The following MAP6 variants were observed in gnomAD, a reference collection of about 807,000 sequenced individuals.
The protein encoded by MAP6 is microtubule-associated protein 6.
MAP6 carries 26 observed loss-of-function variants against 42.4 expected under a neutral mutation model. The ratio of observed to expected loss-of-function variants is 0.61; its 90% CI spans 0.45 to 0.85. The LOEUF (loss-of-function observed/expected upper bound fraction) is 0.85. MAP6 is among the 40% of genes least tolerant of loss of function. The probability of loss-of-function intolerance (pLI) is 0.00; values close to 1 mark genes in which losing one functional copy is unlikely to be tolerated. For missense variants in MAP6, 966 were observed against 1,099.0 expected, an observed-to-expected ratio of 0.88 and a Z score of 1.71; for synonymous variants, 418 against 443.8, an observed-to-expected ratio of 0.94 and a Z score of 0.73.
intron 3 of MAP6, chr11:75,604,753 T>C: frequency 2.0e-6 from 2 of 985,416 alleles, no homozygotes; most frequent in Non-Finnish European, 2.4e-6. Flanking sequence ...TCAAAGCTGC[T>C]TGCTAATTAG....
Position 75,667,932 on chromosome 11 carries a change from G to A in MAP6, c.438C>T (p.Ser146=). ...SCRPRSEYQP[S]DAPFERETQY... The stretch of plus-strand genomic sequence containing the variant: ...GGGTCTCGCGCTCGAAGGGAGCGTC[G>A]GAGGGCTGGTATTCGCTGCGCGGCC... Residue 146 remains serine, a synonymous_variant, in exon 1 of 4, where the codon TCC becomes TCT. Transcript: ENST00000304771. This position sits in a 1 kb window ranked among gnomAD's most constrained non-coding sequence, Gnocchi z 5.6. 1 of 1,384,790 alleles carries A rather than the reference G, an allele frequency of 7.2e-7. No individual in the cohort carries two copies. Among genetic ancestry groups the A allele is most frequent in the South Asian group, 1.6e-5 (1 of 61,430 alleles). The allele number at this position is 1,384,790 out of a possible 1,614,324, so 85.8% of individuals were successfully genotyped here. A position where few individuals can be genotyped will look rare whatever the true frequency, so the allele number is the denominator to read the frequency against.
chr11:75,605,913 G>A lies in MAP6; in HGVS notation c.1211C>T (p.Ser404Leu), dbSNP rs1333723939. 6.2e-7 allele frequency: 1 copy of A among 1,614,150 alleles called. No homozygotes were observed. Among genetic ancestry groups the A allele is most frequent in the South Asian group, 1.1e-5 (1 of 91,072 alleles). The change falls in exon 3 of 4, where the codon TCA (serine) becomes TTA (leucine). Residue 404 changes from serine to leucine, a missense_variant. Ser to Leu is a moderately radical substitution (Grantham distance 145). Coordinates refer to ENST00000304771, the MANE Select transcript of MAP6 (RefSeq NM_033063.2). ...GCTCTTTTTCTTGGCAGCCTGGCCT[G>A]ACACCGCCTGCTTGTCTTTGGCCTT... is the stretch of plus-strand genomic sequence containing the variant. ...TRKAKDKQAV[S>L]GQAAKKKSAE...
chr11:75,587,517 C>A lies in MAP6; in HGVS notation c.1984G>T (p.Gly662Cys). The change falls in exon 4 of 4, where the codon GGT (glycine) becomes TGT (cysteine). Residue 662 changes from glycine to cysteine, a missense_variant. By Grantham distance (159) the Gly-to-Cys change is radical. Coordinates refer to ENST00000304771, the MANE Select transcript of MAP6 (RefSeq NM_033063.2). ...AMATAPIKNQGSMVSEPVKNQ... is the reference protein window; with the variant it reads ...AMATAPIKNQCSMVSEPVKNQ... Reference sequence around the variant, plus strand: ...TTTACAGGCTCAGAGACCATGGAACCTTGATTCTTTATGGGTGCTGTGGCC... The same window carrying A: ...TTTACAGGCTCAGAGACCATGGAACATTGATTCTTTATGGGTGCTGTGGCC... 1 of 1,614,198 alleles carries A rather than the reference C, an allele frequency of 6.2e-7. No homozygotes were observed. Among genetic ancestry groups the A allele is most frequent in the Non-Finnish European group, 8.5e-7 (1 of 1,180,038 alleles).
At chr11:75,635,376 G>A (rs1257654517) in intron 1 of MAP6, among the ~76,000 whole-genome samples, 1 of 152,188 alleles carries the variant, frequency 6.6e-6, no homozygotes, top group Non-Finnish European at 1.5e-5. Flanking sequence ...AAGAGAAAAC[G>A]AGTGGCATCT....
intron 3 of MAP6, among the ~76,000 whole-genome samples, chr11:75,602,449 A>T (rs1942679028): frequency 6.6e-6 from 1 of 152,204 alleles, no homozygotes; most frequent in Non-Finnish European, 1.5e-5. Flanking sequence ...CAGTGACCAT[A>T]GATTAACTGA....
At chr11:75,600,311 C>T (rs973385595) in intron 3 of MAP6, among the ~76,000 whole-genome samples, 1 of 152,202 alleles carries the variant, frequency 6.6e-6, no homozygotes, top group East Asian at 1.9e-4. Flanking sequence ...CGTTGCACGG[C>T]AGCACTGGTT....
chr11:75,654,769 C>T (rs1211323321), intron 1 of MAP6, among the ~76,000 whole-genome samples: 1 of 152,170 alleles, frequency 6.6e-6, no homozygotes, highest in Non-Finnish European at 1.5e-5. Flanking sequence ...TTCATCATGA[C>T]TCTGTGAAGT....
intron 1 of MAP6, among the ~76,000 whole-genome samples, chr11:75,623,507 G>A (rs1943145444): frequency 6.6e-6 from 1 of 152,148 alleles, no homozygotes; most frequent in Non-Finnish European, 1.5e-5. Context: ...TTGCAAGGAG[G>A]TGATCCCTGC....
At chr11:75,636,908 C>T (rs1199239284) in intron 1 of MAP6, among the ~76,000 whole-genome samples, 1 of 152,214 alleles carries the variant, frequency 6.6e-6, no homozygotes, top group Non-Finnish European at 1.5e-5. Context: ...CACAATATTC[C>T]TTCTGGGAGC....
intron 3 of MAP6, chr11:75,597,211 T>C (rs1942595085): frequency 6.6e-6 from 1 of 152,242 alleles, no homozygotes; most frequent in Non-Finnish European, 1.5e-5. Context: ...CGAATCAAGA[T>C]CTGGGGCCAG....
In MAP6 at chr11:75,667,251, G is replaced by A. The variant is rs1206571156; in HGVS notation, c.905+214C>T. Among the ~76,000 whole-genome samples, 1 of 152,212 alleles carries A rather than the reference G, an allele frequency of 6.6e-6. No individual in the cohort carries two copies. Among genetic ancestry groups the A allele is most frequent in the African/African-American group, 2.4e-5 (1 of 41,452 alleles). On this transcript the variant is annotated intron_variant, in intron 1 of 3. Transcript: ENST00000304771. The surrounding 1 kb of genome is among the most constrained non-coding windows in gnomAD (Gnocchi z 5.6). ...GCGGTAAAGTGAAAGAGCCAGGCAG[G>A]CTGAGATGGAATATACTAACAGCTT...
intron 1 of MAP6, among the ~76,000 whole-genome samples, chr11:75,610,489 A>G (rs1425661161): frequency 6.6e-6 from 1 of 152,218 alleles, no homozygotes; most frequent in African/African-American, 2.4e-5. Context: ...ACCTGCAGGC[A>G]GTGTGGGTGG....
chr11:75,655,075 A>G (rs993874624), intron 1 of MAP6, among the ~76,000 whole-genome samples: 19 of 152,096 alleles, frequency 1.2e-4, no homozygotes, highest in Non-Finnish European at 2.9e-5. Flanking sequence ...ATCTCCCTCA[A>G]AAGACAGCAA....
intron 1 of MAP6, among the ~76,000 whole-genome samples, chr11:75,652,986 C>G (rs1047201512): frequency 1.3e-5 from 2 of 152,156 alleles, no homozygotes; most frequent in Non-Finnish European, 2.9e-5. Context: ...CCTTTTCCTC[C>G]TCTTACTTCT....
chr11:75,663,569 G>T (rs755504711), intron 1 of MAP6, among the ~76,000 whole-genome samples: 2 of 152,118 alleles, frequency 1.3e-5, no homozygotes, highest in East Asian at 3.9e-4. Flanking sequence ...ATGACGTGGT[G>T]GGGGAGACAG....
Position 75,667,450 on chromosome 11 carries a change from G to A in MAP6, c.905+15C>T. ...GCGTGGTGACTCCCCCGCGCTAGCA[G>A]CGGCCGCGTCTCACCTGTAGGAGCT... On this transcript the variant is annotated intron_variant, in intron 1 of 3. Coordinates refer to ENST00000304771, the MANE Select transcript of MAP6 (RefSeq NM_033063.2). The surrounding 1 kb of genome is among the most constrained non-coding windows in gnomAD (Gnocchi z 5.6). 1 of 1,469,518 alleles carries A rather than the reference G, an allele frequency of 6.8e-7. No individual in the cohort carries two copies. The highest frequency in any genetic ancestry group is 8.9e-7 in the Non-Finnish European group (1 of 1,117,654). The allele number at this position is 1,469,518 out of a possible 1,614,324, so 91.0% of individuals were successfully genotyped here.
At position 75,601,899 on chromosome 11, in the gene MAP6, TCAA is replaced by T. The variant is rs1942669960; in HGVS notation, c.1316+3906_1316+3908del. 3.3e-5 allele frequency among the ~76,000 whole-genome samples: 5 copies of T among 150,446 alleles called. No individual in the cohort carries two copies. In the South Asian group the frequency reaches 1.1e-3, roughly 32 times the overall value. On this transcript the variant is annotated intron_variant, in intron 3 of 3. Transcript: ENST00000304771. ...GCCACCCCCGGCTCTGTTCACCTGG[TCAA>T]CACCTACCCATTGCTGAAGTCCTCC...
intron 1 of MAP6, among the ~76,000 whole-genome samples, chr11:75,644,735 C>A (rs1943527248): frequency 6.6e-6 from 1 of 152,178 alleles, no homozygotes; most frequent in Non-Finnish European, 1.5e-5. Flanking sequence ...AAGGCAGAGA[C>A]AATATTGTCA....
chr11:75,646,525 G>GAAAAC (rs1943556159), intron 1 of MAP6, among the ~76,000 whole-genome samples: 2 of 140,308 alleles, frequency 1.4e-5, no homozygotes, highest in South Asian at 2.3e-4. Flanking sequence ...AAAAAAAAAG[G>GAAAAC]CAAGAGCAGT....
Sources: gnomAD v4.1 joint callset for allele counts (sites outside exome capture counted in the v4.1 genomes callset) on GRCh38, gnomAD v4.1.1 for gene constraint, Gnocchi (gnomAD v3.1) non-coding constraint, MANE v1.5 for transcripts, NCBI Gene and HGNC (gene_info 2026-07-23, HGNC 2026-07-21) for gene names.